Variants in RFTN1 observed in about 807,000 individuals in gnomAD.
RFTN1 encodes raftlin.
A neutral mutation model predicts 46.5 loss-of-function variants in RFTN1; 26 were observed. The ratio of observed to expected loss-of-function variants is 0.56; its 90% CI spans 0.41 to 0.78. The LOEUF (loss-of-function observed/expected upper bound fraction) is 0.78, where lower values mean the gene tolerates loss of function less well. RFTN1 is among the 30% of genes least tolerant of loss of function. RFTN1 has a pLI of 0.00. For synonymous variants in RFTN1, 261 were observed against 284.2 expected (o/e 0.92, Z 0.82); for missense variants, 693 against 718.7 (o/e 0.96, Z 0.41).
intron 1 of RFTN1, among the ~76,000 whole-genome samples, chr3:16,503,436 C>T (rs1417256828): frequency 1.3e-5 from 2 of 152,168 alleles, no homozygotes; most frequent in Admixed American, 1.3e-4. Flanking sequence ...CTGTTAAAAG[C>T]CCTGATGCTC....
chr3:16,379,317 C>T (rs1178552739), intron 4 of RFTN1, among the ~76,000 whole-genome samples: 1 of 152,244 alleles, frequency 6.6e-6, no homozygotes, highest in African/African-American at 2.4e-5. Flanking sequence ...TGCAAACATG[C>T]AGTCCAGTCT....
rs2075427458 is a variant in RFTN1, at chr3:16,433,122, A to G, written c.332+729T>C. On this transcript the variant is annotated intron_variant, in intron 3 of 9. Transcript: ENST00000334133. This position sits in a 1 kb window ranked among gnomAD's most constrained non-coding sequence, Gnocchi z 4.4. Reference sequence around the variant, plus strand: ...TTTCCCAGACTTCATTTTAATTTTTATTTTTATGAAAGCAGGAAAAACATA... The same window carrying G: ...TTTCCCAGACTTCATTTTAATTTTTGTTTTTATGAAAGCAGGAAAAACATA... 6.6e-6 allele frequency among the ~76,000 whole-genome samples: 1 copy of G among 151,542 alleles called. No individual in the cohort carries two copies. Among genetic ancestry groups the G allele is most frequent in the African/African-American group, 2.4e-5 (1 of 41,256 alleles).
chr3:16,400,524 G>A lies in RFTN1; in HGVS notation c.441+8851C>T, dbSNP rs1039010568. Among the ~76,000 whole-genome samples the A allele has an allele frequency of 6.6e-5, 10 of 152,186 alleles. No individual in the cohort carries two copies. Among genetic ancestry groups the A allele is most frequent in the African/African-American group, 2.2e-4 (9 of 41,436 alleles). On this transcript the variant is annotated intron_variant, in intron 4 of 9. Coordinates refer to ENST00000334133, the MANE Select transcript of RFTN1 (RefSeq NM_015150.2). This position sits in a 1 kb window ranked among gnomAD's most constrained non-coding sequence, Gnocchi z 4.5. ...ACGTGTCCAGGGCATTACCTAGACC[G>A]GCTTACTAAAGTATTCCCAAACACT...
rs866042949 is a variant in RFTN1 at position 16,342,734 on chromosome 3, G to A, written c.1146+15198C>T. On this transcript the variant is annotated intron_variant, in intron 7 of 9. Transcript: ENST00000334133. The surrounding 1 kb of genome is among the most constrained non-coding windows in gnomAD (Gnocchi z 4.0). ...ATTTGCCACTTCACCCGAAAAGGAT[G>A]TTTAAAGAGGCCACTGATTTAAAAG... Among the ~76,000 whole-genome samples, 1 of 152,248 alleles carries A rather than the reference G, an allele frequency of 6.6e-6. No homozygotes were observed. The highest frequency in any genetic ancestry group is 2.4e-5 in the African/African-American group (1 of 41,462).
rs1424448350 is a variant in RFTN1, at chr3:16,450,856, C to G, written c.146-16819G>C. On this transcript the variant is annotated intron_variant, in intron 2 of 9. Transcript: ENST00000334133. The surrounding 1 kb of genome is among the most constrained non-coding windows in gnomAD (Gnocchi z 4.6). ...TGAGGGAGAGGGATGGCAAAGACAG[C>G]TCCTAGGTCTCTGGTTTGCATGGAC... is the stretch of plus-strand genomic sequence containing the variant. 6.6e-6 allele frequency among the ~76,000 whole-genome samples: 1 copy of G among 151,982 alleles called. No homozygotes were observed. The highest frequency in any genetic ancestry group is 2.4e-5 in the African/African-American group (1 of 41,366).
In RFTN1 at chr3:16,460,658, C is replaced by T. The variant is rs2075993039; in HGVS notation, c.146-26621G>A. ...CCTTTTTTGGTGAGGGTAGAAATAT[C>T]ATGTAAGAGGCCTGTTATACAGATA... On this transcript the variant is annotated intron_variant, in intron 2 of 9. Coordinates refer to ENST00000334133, the MANE Select transcript of RFTN1 (RefSeq NM_015150.2). The surrounding 1 kb of genome is among the most constrained non-coding windows in gnomAD (Gnocchi z 4.8). Among the ~76,000 whole-genome samples, 1 of 152,096 alleles carries T rather than the reference C, an allele frequency of 6.6e-6. No homozygotes were observed. Among genetic ancestry groups the T allele is most frequent in the South Asian group, 2.1e-4 (1 of 4,816 alleles).
intron 2 of RFTN1, among the ~76,000 whole-genome samples, chr3:16,453,519 T>C (rs1401181113): frequency 6.6e-6 from 1 of 152,226 alleles, no homozygotes; most frequent in East Asian, 1.9e-4. Context: ...TAAGGACTTG[T>C]TTAAGTTCCA....
chr3:16,502,375 C>T (rs1335211337), intron 1 of RFTN1, among the ~76,000 whole-genome samples: 2 of 147,982 alleles, frequency 1.4e-5, no homozygotes, highest in Admixed American at 6.7e-5. Context: ...CGGAGTGAGA[C>T]CTTGTCTCAA....
chr3:16,432,586 C>T (rs1306946145), intron 3 of RFTN1, among the ~76,000 whole-genome samples: 1 of 151,916 alleles, frequency 6.6e-6, no homozygotes, highest in Non-Finnish European at 1.5e-5. Flanking sequence ...CCCATAATCC[C>T]AGTGGTTTGG....
At chr3:16,347,663 G>A (rs1396473845) in intron 7 of RFTN1, 1 of 152,230 alleles carries the variant, frequency 6.6e-6, no homozygotes, top group African/African-American at 2.4e-5. Flanking sequence ...TCTCTGGAAG[G>A]AGCTTTCTCT....
rs566047383 is a variant in RFTN1, at chr3:16,361,890, C to G, written c.1031-3843G>C. ...TGAAGGACAAATGGAGCAGAGCTGC[C>G]GCAGTGGAGCCCAGCTGAGACCAGT... On this transcript the variant is annotated intron_variant, in intron 6 of 9. Coordinates refer to ENST00000334133, the MANE Select transcript of RFTN1 (RefSeq NM_015150.2). The surrounding 1 kb of genome is among the most constrained non-coding windows in gnomAD (Gnocchi z 4.3). Among the ~76,000 whole-genome samples, 1 of 152,212 alleles carries G rather than the reference C, an allele frequency of 6.6e-6. No homozygotes were observed. Among genetic ancestry groups the G allele is most frequent in the Non-Finnish European group, 1.5e-5 (1 of 68,036 alleles).
In RFTN1 at chr3:16,506,771, G is replaced by A. The variant is rs1195543782; in HGVS notation, c.-9+6671C>T. ...TAATGCCTCATCTCCCTACATGACA[G>A]TAAATTTCTGGAAGGCAGCAAGCGG... On this transcript the variant is annotated intron_variant, in intron 1 of 9. Coordinates refer to ENST00000334133, the MANE Select transcript of RFTN1 (RefSeq NM_015150.2). This position sits in a 1 kb window ranked among gnomAD's most constrained non-coding sequence, Gnocchi z 4.8. Among the ~76,000 whole-genome samples the A allele has an allele frequency of 2.6e-5, 4 of 152,082 alleles. No individual in the cohort carries two copies. The highest frequency in any genetic ancestry group is 7.2e-5 in the African/African-American group (3 of 41,412).
At position 16,327,426 on chromosome 3, in the gene RFTN1, A is replaced by G. The variant is rs2069819006; in HGVS notation, c.1147-550T>C. 6.6e-6 allele frequency among the ~76,000 whole-genome samples: 1 copy of G among 152,150 alleles called. No individual in the cohort carries two copies. The highest frequency in any genetic ancestry group is 1.5e-5 in the Non-Finnish European group (1 of 68,026). ...ATGAATGCTGCCATGTTTTATTTCA[A>G]ATTAGGATTTGGGGAACTAACATTT... On this transcript the variant is annotated intron_variant, in intron 7 of 9. Transcript: ENST00000334133. The surrounding 1 kb of genome is among the most constrained non-coding windows in gnomAD (Gnocchi z 4.2).
At chr3:16,377,615 A>C in intron 5 of RFTN1, 103 bp downstream of exon 5, 1 of 1,494,910 alleles carries the variant, frequency 6.7e-7, no homozygotes, top group Non-Finnish European at 8.9e-7. Flanking sequence ...CTGTCTCTAC[A>C]CTCTAAATTC....
intron 2 of RFTN1, chr3:16,454,751 T>A (rs2075876514): frequency 1.0e-6 from 1 of 985,144 alleles, no homozygotes; most frequent in African/African-American, 1.7e-5. Flanking sequence ...CCTCCCTCCT[T>A]GTGTCAAGGC....
chr3:16,503,700 G>C (rs2076751904), intron 1 of RFTN1, among the ~76,000 whole-genome samples: 1 of 152,058 alleles, frequency 6.6e-6, no homozygotes, highest in Non-Finnish European at 1.5e-5. Flanking sequence ...TCAATCTCTT[G>C]AATCTCTTTC....
At chr3:16,368,448 G>A (rs1310207573) in intron 6 of RFTN1, among the ~76,000 whole-genome samples, 3 of 152,214 alleles carry the variant, frequency 2.0e-5, no homozygotes, top group Non-Finnish European at 4.4e-5. Flanking sequence ...AAGGCGGGTG[G>A]ATCACGAGGT....
At position 16,387,143 on chromosome 3, in the gene RFTN1, TCTC is replaced by T. The variant is rs201280546; in HGVS notation, c.442-9044_442-9042del. The stretch of plus-strand genomic sequence containing the variant: ...TCACATGACCCACTGCTTCCATCAC[TCTC>T]CTCCTATTATATCCTTGGCTTTCTC... On this transcript the variant is annotated intron_variant, in intron 4 of 9. Transcript: ENST00000334133. This position sits in a 1 kb window ranked among gnomAD's most constrained non-coding sequence, Gnocchi z 5.2. Among the ~76,000 whole-genome samples, 2,753 of 152,160 alleles carry T rather than the reference TCTC, an allele frequency of 0.018. 33 individuals carry two copies. Among genetic ancestry groups the T allele is most frequent in the Non-Finnish European group, 0.025 (1,730 of 68,010 alleles).
chr3:16,414,128 G>A (rs1377855407), intron 3 of RFTN1, among the ~76,000 whole-genome samples: 1 of 151,978 alleles, frequency 6.6e-6, no homozygotes, highest in African/African-American at 2.4e-5. Flanking sequence ...CATTAAATAT[G>A]GACCACACTA....
Sources: gnomAD v4.1 joint callset for allele counts (sites outside exome capture counted in the v4.1 genomes callset) on GRCh38, gnomAD v4.1.1 for gene constraint, Gnocchi (gnomAD v3.1) non-coding constraint, MANE v1.5 for transcripts, NCBI Gene and HGNC (gene_info 2026-07-23, HGNC 2026-07-21) for gene names.